The following LUC7L variants were observed in gnomAD, a reference collection of about 807,000 sequenced individuals.
LUC7L encodes putative RNA-binding protein Luc7-like 1.
In LUC7L, 29 loss-of-function variants were observed where a neutral mutation model predicts 51.1. That is an observed-to-expected ratio of 0.57 (90% CI 0.42 to 0.77). LUC7L has a LOEUF of 0.77. Ranked by LOEUF, LUC7L falls within the 30% of genes least tolerant of loss-of-function variation. LUC7L has a pLI of 0.00. For synonymous variants in LUC7L, 181 were observed against 180.7 expected, an observed-to-expected ratio of 1.00 and a Z score of -0.01; for missense variants, 403 against 511.9, an observed-to-expected ratio of 0.79 and a Z score of 2.05.
chr16:220,590 TGTTA>T, intron 3 of LUC7L, 55 bp downstream of exon 3: 1 of 1,261,626 alleles, frequency 7.9e-7, no homozygotes, highest in Non-Finnish European at 1.1e-6. Context: ...ACATTTTTCT[TGTTA>T]GTTCAATATT....
rs370401127 is a variant in LUC7L, at chr16:217,203, G to C, written c.255+3446C>G. On this transcript the variant is annotated intron_variant, in intron 3 of 9. Coordinates refer to ENST00000293872, the MANE Select transcript of LUC7L (RefSeq NM_201412.3). Reference sequence around the variant, plus strand: ...AGCTAATTTTTGTATTTTTAGAAGAGGCAGCGTTTCACCATGTTGGCCAGG... The same window carrying C: ...AGCTAATTTTTGTATTTTTAGAAGACGCAGCGTTTCACCATGTTGGCCAGG... Among the ~76,000 whole-genome samples the C allele has an allele frequency of 2.6e-5, 4 of 151,966 alleles. No homozygotes were observed. In the South Asian group the frequency reaches 6.2e-4, roughly 24 times the overall value.
At chr16:201,326 A>G (rs1388372927) in intron 5 of LUC7L, among the ~76,000 whole-genome samples, 1 of 151,538 alleles carries the variant, frequency 6.6e-6, no homozygotes, top group Admixed American at 6.6e-5. Context: ...GTCCCCTTCT[A>G]TAGTTTTGAA....
chr16:196,947 G>C (rs201829192), intron 6 of LUC7L, among the ~76,000 whole-genome samples: 16 of 128,860 alleles, frequency 1.2e-4, no homozygotes, highest in East Asian at 2.2e-4. Flanking sequence ...TCGCTCTGTC[G>C]CCCAGGCTGG....
chr16:218,357 A>G (rs1337344412), intron 3 of LUC7L, among the ~76,000 whole-genome samples: 1 of 152,136 alleles, frequency 6.6e-6, no homozygotes, highest in African/African-American at 2.4e-5. Flanking sequence ...AAACCCCTCT[A>G]CTAACCTCTG....
intron 6 of LUC7L, among the ~76,000 whole-genome samples, chr16:197,273 G>T (rs2049179061): frequency 6.8e-6 from 1 of 146,326 alleles, no homozygotes; most frequent in Admixed American, 6.9e-5. Flanking sequence ...GAGTGCAGTG[G>T]CACAATTTCA....
chr16:193,072 T>G (rs1224053739), intron 6 of LUC7L, 57 bp from the exon 7 acceptor site: 2 of 1,357,326 alleles, frequency 1.5e-6, no homozygotes, highest in Admixed American at 3.3e-5. Context: ...AGAGTGTGAA[T>G]GCTACTTAAC....
intron 5 of LUC7L, 79 bp from the exon 6 acceptor site, chr16:199,317 T>C: frequency 2.2e-6 from 2 of 929,830 alleles, no homozygotes; most frequent in East Asian, 2.5e-5. Flanking sequence ...ATGAAAATAT[T>C]TGATAAGATG....
chr16:199,954 C>T (rs1176264255), intron 5 of LUC7L, among the ~76,000 whole-genome samples: 1 of 150,814 alleles, frequency 6.6e-6, no homozygotes, highest in East Asian at 2.0e-4. Flanking sequence ...CGTGCCACTG[C>T]ATTCCAGCCT....
intron 2 of LUC7L, among the ~76,000 whole-genome samples, chr16:223,919 GCCT>G (rs764935530): frequency 3.3e-5 from 5 of 151,398 alleles, no homozygotes; most frequent in African/African-American, 1.2e-4. Flanking sequence ...TGATCCACCC[GCCT>G]CCTCCTCCTC....
At chr16:217,089 A>G (rs990620461) in intron 3 of LUC7L, among the ~76,000 whole-genome samples, 7 of 151,884 alleles carry the variant, frequency 4.6e-5, no homozygotes, top group Admixed American at 2.0e-4. Context: ...TGATCTCAGC[A>G]CACTGCAACC....
intron 1 of LUC7L, chr16:228,826 G>T (rs1050960026): frequency 1.5e-6 from 2 of 1,293,554 alleles, no homozygotes; most frequent in Non-Finnish European, 2.0e-6. Flanking sequence ...CCTTGCAATG[G>T]TACAGAACCA....
chr16:199,334 G>C (rs1219612106), intron 5 of LUC7L, 96 bp from the exon 6 acceptor site: 2 of 772,456 alleles, frequency 2.6e-6, no homozygotes, highest in South Asian at 4.0e-5. Context: ...GATGACAGAG[G>C]TGACTTTTAA....
At chr16:219,737 C>A (rs192170889) in intron 3 of LUC7L, among the ~76,000 whole-genome samples, 3 of 152,064 alleles carry the variant, frequency 2.0e-5, no homozygotes, top group Admixed American at 6.6e-5. Context: ...CCGGGCATGG[C>A]GGCTCATGCC....
chr16:198,110 TACA>T (rs550100222), intron 6 of LUC7L, among the ~76,000 whole-genome samples: 145 of 150,950 alleles, frequency 9.6e-4, no homozygotes, highest in African/African-American at 2.8e-3. Flanking sequence ...CTACTAAAAA[TACA>T]ACAACAACAA....
chr16:225,506 G>T (rs1161147866), intron 2 of LUC7L, among the ~76,000 whole-genome samples: 6 of 97,992 alleles, frequency 6.1e-5, no homozygotes, highest in Admixed American at 2.5e-4. Context: ...TTTTTTTTGA[G>T]ACAGAGTTTT....
chr16:197,601 G>A (rs1485972790), intron 6 of LUC7L, among the ~76,000 whole-genome samples: 1 of 152,168 alleles, frequency 6.6e-6, no homozygotes, highest in African/African-American at 2.4e-5. Flanking sequence ...TCGGGAACAC[G>A]GAAGTAAAAT....
intron 3 of LUC7L, among the ~76,000 whole-genome samples, chr16:216,536 CCAT>C (rs1341247422): frequency 2.0e-5 from 3 of 152,032 alleles, no homozygotes; most frequent in Non-Finnish European, 2.9e-5. Flanking sequence ...GTGCCCACCA[CCAT>C]GACCGGCTGA....
chr16:219,798 G>A (rs1344063643), intron 3 of LUC7L, among the ~76,000 whole-genome samples: 1 of 152,056 alleles, frequency 6.6e-6, no homozygotes, highest in Non-Finnish European at 1.5e-5. Context: ...GAACCTGGGA[G>A]GAGTAGGTTG....
At chr16:193,641 C>T (rs181241229) in intron 6 of LUC7L, among the ~76,000 whole-genome samples, 2 of 151,828 alleles carry the variant, frequency 1.3e-5, no homozygotes, top group East Asian at 1.9e-4. Context: ...GGATTACAAG[C>T]GTGCCAGCAC....
Sources: gnomAD v4.1 joint callset for allele counts (sites outside exome capture counted in the v4.1 genomes callset) on GRCh38, gnomAD v4.1.1 for gene constraint, MANE v1.5 for transcripts, NCBI Gene and HGNC (gene_info 2026-07-23, HGNC 2026-07-21) for gene names.